KDM3A: variants seen among roughly 807,000 people sequenced by gnomAD.
The protein encoded by KDM3A is lysine demethylase 3A.
Under a neutral mutation model 158.0 loss-of-function variants are expected in KDM3A, and 60 were observed. The observed-to-expected ratio is 0.38, with a 90% CI of 0.31 to 0.47. The LOEUF is 0.47. Ranked by LOEUF, KDM3A falls within the 20% of genes least tolerant of loss-of-function variation. The pLI is 0.99. For missense variants in KDM3A, 1,319 were observed against 1,574.3 expected (o/e 0.84, Z 2.74); for synonymous variants, 608 against 549.3 (o/e 1.11, Z -1.49).
intron 2 of KDM3A, among the ~76,000 whole-genome samples, chr2:86,445,560 C>A (rs145289111): frequency 1.3e-5 from 2 of 152,088 alleles, no homozygotes; most frequent in African/African-American, 4.8e-5. Context: ...CTGTTTCTTG[C>A]GTCTAATGCC....
intron 9 of KDM3A, among the ~76,000 whole-genome samples, chr2:86,465,939 A>G (rs922832676): frequency 1.7e-4 from 2 of 11,664 alleles, no homozygotes; most frequent in Non-Finnish European, 3.4e-4. Context: ...ATTTACACAC[A>G]AAAAAAAAAA....
chr2:86,478,383 C>A, intron 14 of KDM3A, 118 bp downstream of exon 14: 1 of 860,850 alleles, frequency 1.2e-6, no homozygotes, highest in Non-Finnish European at 1.8e-6. Flanking sequence ...TGTAAGTTGT[C>A]CAGAAATATA....
intron 23 of KDM3A, chr2:86,490,641 A>G (rs1224116694): frequency 4.9e-6 from 2 of 405,930 alleles, no homozygotes; most frequent in South Asian, 4.6e-5. Context: ...AGTATTTACA[A>G]ACTTATGCAG....
intron 14 of KDM3A, 117 bp from the exon 15 acceptor site, chr2:86,478,491 G>A: frequency 8.3e-7 from 1 of 1,205,188 alleles, no homozygotes. Flanking sequence ...GGAGCAGGAT[G>A]AAAAGGAGGG....
At chr2:86,473,684 G>A (rs1204340423) in intron 11 of KDM3A, among the ~76,000 whole-genome samples, 2 of 152,140 alleles carry the variant, frequency 1.3e-5, no homozygotes, top group South Asian at 2.1e-4. Context: ...TGGGAGTGGG[G>A]GTTGCCATGA....
chr2:86,439,972 T>C (rs1292028730), upstream of KDM3A, among the ~76,000 whole-genome samples: 6 of 152,198 alleles, frequency 3.9e-5, no homozygotes, highest in Admixed American at 3.9e-4. Context: ...TTCCCAACTG[T>C]CTTTTAAAAC....
rs1674145885 is a variant in KDM3A, at chr2:86,485,713, G to T, written c.3183-16G>T. ...AAGCAATCTAACTTTGCAAATTCCTGGTTCTGTTGTTCTAGGTTTGATGAT... is the reference window on the plus strand; with the variant it reads ...AAGCAATCTAACTTTGCAAATTCCTTGTTCTGTTGTTCTAGGTTTGATGAT... On this transcript the variant is annotated splice_polypyrimidine_tract_variant and intron_variant, in intron 20 of 25. Transcript: ENST00000312912. 4 of 1,610,588 alleles carry T rather than the reference G, an allele frequency of 2.5e-6. No homozygotes were observed. The highest frequency in any genetic ancestry group is 3.4e-6 in the Non-Finnish European group (4 of 1,177,062).
intron 2 of KDM3A, among the ~76,000 whole-genome samples, chr2:86,447,346 G>A (rs1421956353): frequency 1.4e-5 from 2 of 145,382 alleles, no homozygotes; most frequent in African/African-American, 5.1e-5. Flanking sequence ...GGCCCTGTCT[G>A]TCTTTTGGTT....
intron 8 of KDM3A, among the ~76,000 whole-genome samples, 177 bp from the exon 9 acceptor site, chr2:86,463,876 C>G (rs960909255): frequency 2.0e-5 from 3 of 152,234 alleles, no homozygotes; most frequent in Non-Finnish European, 4.4e-5. Flanking sequence ...TGATTACTTA[C>G]AGTCTTAAAG....
At chr2:86,451,450 C>T (rs1672465165) in intron 4 of KDM3A, among the ~76,000 whole-genome samples, 1 of 152,112 alleles carries the variant, frequency 6.6e-6, no homozygotes, top group South Asian at 2.1e-4. Context: ...ATATTATGTA[C>T]TGTATTCTTA....
At chr2:86,479,036 G>C (rs531331707) in intron 15 of KDM3A, 4 of 194,176 alleles carry the variant, frequency 2.1e-5, no homozygotes, top group African/African-American at 9.3e-5. Context: ...ATTTGTAAAG[G>C]GTTTAAAAAA....
intron 21 of KDM3A, chr2:86,487,741 C>T (rs997004889): frequency 6.6e-6 from 1 of 152,190 alleles, no homozygotes; most frequent in African/African-American, 2.4e-5. Flanking sequence ...GTTTTGTTGT[C>T]TAGCACTCCT....
chr2:86,470,472 T>TAACA, intron 11 of KDM3A, 64 bp downstream of exon 11: 1 of 1,329,154 alleles, frequency 7.5e-7, no homozygotes, highest in Non-Finnish European at 1.1e-6. Flanking sequence ...TCATCTGGCA[T>TAACA]ACTTTTGTTA....
intron 7 of KDM3A, 35 bp from the exon 8 acceptor site, chr2:86,456,948 G>A (rs764179683): frequency 6.4e-7 from 1 of 1,574,300 alleles, no homozygotes; most frequent in African/African-American, 1.4e-5. Context: ...AAGAGAAACA[G>A]GGAAGCCAAC....
chr2:86,438,890 T>C (rs376631332), upstream of KDM3A, among the ~76,000 whole-genome samples: 143 of 152,180 alleles, frequency 9.4e-4, no homozygotes, highest in Middle Eastern at 3.4e-3. Context: ...TTGGAACATC[T>C]AGCTGCTTTG....
chr2:86,471,978 A>G (rs1673434220), intron 11 of KDM3A, among the ~76,000 whole-genome samples: 1 of 152,166 alleles, frequency 6.6e-6, no homozygotes, highest in Admixed American at 6.5e-5. Flanking sequence ...AATTTTGAAG[A>G]CACTGAAATG....
chr2:86,458,296 A>C (rs1055189486), intron 8 of KDM3A, among the ~76,000 whole-genome samples: 2 of 152,182 alleles, frequency 1.3e-5, no homozygotes, highest in Admixed American at 6.5e-5. Context: ...GAACTTTGAT[A>C]CTTCACCAAA....
chr2:86,475,556 G>A (rs557722482), intron 12 of KDM3A, among the ~76,000 whole-genome samples: 1 of 152,174 alleles, frequency 6.6e-6, no homozygotes, highest in Admixed American at 6.5e-5. Context: ...TTAAGCCACA[G>A]GAATCAGGGT....
At chr2:86,442,329 C>T in intron 2 of KDM3A, 96 bp downstream of exon 2, 1 of 1,192,936 alleles carries the variant, frequency 8.4e-7, no homozygotes. Context: ...AAAACGGAGA[C>T]CAGAAAGTTG....
Sources: gnomAD v4.1 joint callset for allele counts (sites outside exome capture counted in the v4.1 genomes callset) on GRCh38, gnomAD v4.1.1 for gene constraint, MANE v1.5 for transcripts, NCBI Gene and HGNC (gene_info 2026-07-23, HGNC 2026-07-21) for gene names.